AKAP6: variants seen among roughly 807,000 people sequenced by gnomAD.
AKAP6 encodes A-kinase anchor protein 6.
Under a neutral mutation model 188.5 loss-of-function variants are expected in AKAP6, and 58 were observed. That is an observed-to-expected ratio of 0.31 (90% confidence interval 0.25 to 0.38). The LOEUF (loss-of-function observed/expected upper bound fraction) is 0.38, where lower values mean the gene tolerates loss of function less well. Ranked by LOEUF, AKAP6 falls within the 10% of genes least tolerant of loss-of-function variation. The probability of loss-of-function intolerance (pLI) is 1.00; values close to 1 mark genes in which losing one functional copy is unlikely to be tolerated. For synonymous variants in AKAP6, 989 were observed against 998.6 expected (o/e 0.99, Z 0.18); for missense variants, 2,710 against 2,740.0 (o/e 0.99, Z 0.24).
chr14:32,582,129 G>C (rs911010962), intron 5 of AKAP6, among the ~76,000 whole-genome samples: 28 of 151,744 alleles, frequency 1.8e-4, no homozygotes, highest in Non-Finnish European at 3.5e-4. Flanking sequence ...GCAGTGGCTG[G>C]TACCGGTTGT....
At chr14:32,748,859 C>G (rs1314758644) in intron 11 of AKAP6, among the ~76,000 whole-genome samples, 1 of 152,120 alleles carries the variant, frequency 6.6e-6, no homozygotes, top group Non-Finnish European at 1.5e-5. Flanking sequence ...TTTTCTACTC[C>G]AACTTCTGTC....
intron 12 of AKAP6, among the ~76,000 whole-genome samples, chr14:32,820,785 C>T (rs145828670): frequency 3.9e-4 from 60 of 152,172 alleles, no homozygotes; most frequent in African/African-American, 1.4e-3. Context: ...TGATTGGGAG[C>T]AGGGCCACAG....
intron 9 of AKAP6, among the ~76,000 whole-genome samples, chr14:32,697,855 G>A (rs1055489694): frequency 6.6e-6 from 1 of 151,922 alleles, no homozygotes; most frequent in Non-Finnish European, 1.5e-5. Context: ...TTCCCATTCT[G>A]GCATATTGAA....
At chr14:32,685,668 G>A (rs865828663) in intron 8 of AKAP6, among the ~76,000 whole-genome samples, 2 of 144,610 alleles carry the variant, frequency 1.4e-5, no homozygotes, top group Non-Finnish European at 3.0e-5. Context: ...AGCTTGCAGT[G>A]AGCCAATATC....
intron 2 of AKAP6, among the ~76,000 whole-genome samples, chr14:32,443,669 T>C (rs575941500): frequency 5.2e-4 from 79 of 152,308 alleles, no homozygotes; most frequent in African/African-American, 1.1e-3. Flanking sequence ...CACTTTTTTT[T>C]CCCCTCAGGA....
At chr14:32,807,910 C>T (rs181195223) in intron 12 of AKAP6, among the ~76,000 whole-genome samples, 4 of 152,264 alleles carry the variant, frequency 2.6e-5, no homozygotes, top group African/African-American at 7.2e-5. Flanking sequence ...TTTGTTTTTA[C>T]GCTTGAGAAA....
chr14:32,576,303 A>G (rs544474077), intron 4 of AKAP6, among the ~76,000 whole-genome samples: 8 of 152,178 alleles, frequency 5.3e-5, no homozygotes, highest in African/African-American at 1.9e-4. Flanking sequence ...TTACCCAGAC[A>G]CGGAAAGCAG....
chr14:32,637,085 G>A (rs1178512291), intron 7 of AKAP6, among the ~76,000 whole-genome samples: 1 of 152,042 alleles, frequency 6.6e-6, no homozygotes. Context: ...TATAATTTCC[G>A]TATCTGTAAA....
intron 1 of AKAP6, among the ~76,000 whole-genome samples, chr14:32,403,873 A>G (rs528268411): frequency 1.7e-4 from 26 of 152,056 alleles, no homozygotes; most frequent in South Asian, 4.1e-4. Flanking sequence ...CACCAAATTC[A>G]CTTCTGAGTC....
intron 9 of AKAP6, among the ~76,000 whole-genome samples, chr14:32,707,526 G>C (rs146713313): frequency 0.014 from 2,111 of 152,150 alleles, 27 homozygotes; most frequent in Non-Finnish European, 0.021. Flanking sequence ...GGCCAAATTT[G>C]AGAATGATTG....
intron 1 of AKAP6, among the ~76,000 whole-genome samples, chr14:32,394,074 T>C (rs1405457848): frequency 6.6e-6 from 1 of 152,168 alleles, no homozygotes; most frequent in Non-Finnish European, 1.5e-5. Context: ...ACACATAATA[T>C]AGTGCATGAA....
At chr14:32,576,889 A>G (rs762485978) in intron 4 of AKAP6, among the ~76,000 whole-genome samples, 4 of 152,154 alleles carry the variant, frequency 2.6e-5, no homozygotes, top group Non-Finnish European at 5.9e-5. Flanking sequence ...AAGTGATTCT[A>G]GAGAAAAACT....
intron 8 of AKAP6, among the ~76,000 whole-genome samples, chr14:32,694,849 A>G (rs1020278764): frequency 1.3e-5 from 2 of 152,226 alleles, no homozygotes; most frequent in African/African-American, 4.8e-5. Flanking sequence ...AGACAAGAAC[A>G]GGTAGTAATA....
chr14:32,649,348 G>A (rs1432997522), intron 7 of AKAP6, among the ~76,000 whole-genome samples: 3 of 152,126 alleles, frequency 2.0e-5, no homozygotes, highest in African/African-American at 4.8e-5. Flanking sequence ...TTTAACTTCT[G>A]TCAAATTTAA....
intron 5 of AKAP6, among the ~76,000 whole-genome samples, chr14:32,581,550 G>T (rs1200065568): frequency 6.6e-6 from 1 of 152,080 alleles, no homozygotes; most frequent in African/African-American, 2.4e-5. Flanking sequence ...GGGTATCCTT[G>T]TTAACTTTCT....
chr14:32,575,905 C>T (rs990590632), intron 4 of AKAP6, among the ~76,000 whole-genome samples: 8 of 151,966 alleles, frequency 5.3e-5, no homozygotes, highest in African/African-American at 1.9e-4. Context: ...CTGCTTTGTC[C>T]CCCTCTAATA....
intron 1 of AKAP6, among the ~76,000 whole-genome samples, chr14:32,409,273 C>T (rs1284397263): frequency 6.6e-6 from 1 of 152,134 alleles, no homozygotes; most frequent in Non-Finnish European, 1.5e-5. Context: ...TTGAAAATGC[C>T]AGCTACCTAG....
rs1395723715 is a variant in AKAP6 at position 32,599,362 on chromosome 14, A to G, written c.2470-48A>G. The G allele has an allele frequency of 3.3e-6, 5 of 1,493,706 alleles. No homozygotes were observed. In the Middle Eastern group the frequency reaches 5.2e-4, roughly 156 times the overall value. The allele number at this position is 1,493,706 out of a possible 1,614,324, so 92.5% of individuals were successfully genotyped here. On this transcript the variant is annotated intron_variant, in intron 5 of 13. Coordinates refer to ENST00000280979, the MANE Select transcript of AKAP6 (RefSeq NM_004274.5). ...GCAAGTAATTTTATATGGATGTTTT[A>G]TGTGTAACTGCCTTGCCAGGGTTTA...
intron 2 of AKAP6, among the ~76,000 whole-genome samples, chr14:32,476,992 C>T (rs1160474956): frequency 2.6e-5 from 4 of 152,128 alleles, no homozygotes. Flanking sequence ...TCCTGATTTG[C>T]AATTGGTTAA....
Sources: allele counts gnomAD v4.1 joint callset (sites outside exome capture counted in the v4.1 genomes callset), GRCh38; gene constraint gnomAD v4.1.1; transcripts MANE v1.5; gene names NCBI Gene and HGNC (gene_info 2026-07-23, HGNC 2026-07-21).